The following ZNF469 variants were observed in gnomAD, a reference collection of about 807,000 sequenced individuals.
ZNF469 encodes the protein zinc finger protein 469.
In ZNF469, 1 loss-of-function variant was observed where a neutral mutation model predicts 1.0. The ratio of observed to expected loss-of-function variants is 1.00; its 90% CI spans 0.35 to 4.73. ZNF469 has a LOEUF of 4.73. Among genes scored for constraint, ZNF469 ranks in the 30% most tolerant of loss-of-function variants. ZNF469 has a pLI of 0.16. For missense variants in ZNF469, 6,100 were observed against 5,356.3 expected, an observed-to-expected ratio of 1.14 and a Z score of -4.33; for synonymous variants, 2,703 against 2,363.4, an observed-to-expected ratio of 1.14 and a Z score of -4.17.
chr16:88,439,548 G>C lies in ZNF469; in HGVS notation c.*216G>C. 2 of 607,278 alleles carry C rather than the reference G, an allele frequency of 3.3e-6. No homozygotes were observed. The highest frequency in any genetic ancestry group is 2.8e-5 in the East Asian group (1 of 35,302). The allele number at this position is 607,278 out of a possible 1,614,324, so 37.6% of individuals were successfully genotyped here. ...TGCTGGAAGGCTGGGGGTGAAAGAC[G>C]GGGCCACTGCAGCCCTTTTGAGACC... On this transcript the variant is annotated 3_prime_UTR_variant, in exon 3 of 3. Transcript: ENST00000565624.
rs1904625737 is a variant in ZNF469, at chr16:88,395,283, A to ATGGG, written c.-192+12033_-192+12036dup. ...GATGGATGGATGGATGGATGGATGGATGGGTGGATGGATTGATGGGTTGGG... is the reference window on the plus strand; with the variant it reads ...GATGGATGGATGGATGGATGGATGGATGGGTGGGTGGATGGATTGATGGGTTGGG... On this transcript the variant is annotated intron_variant, in intron 1 of 2. Coordinates refer to ENST00000565624, the MANE Select transcript of ZNF469 (RefSeq NM_001367624.2). Among the ~76,000 whole-genome samples the ATGGG allele has an allele frequency of 6.1e-5, 6 of 97,982 alleles. No homozygotes were observed. The South Asian group carries it at 1.9e-3, about 32-fold the overall frequency. The allele number at this position is 97,982 out of a possible 152,430, so 64.3% of individuals were successfully genotyped here. A position where few individuals can be genotyped will look rare whatever the true frequency, so the allele number is the denominator to read the frequency against.
the ZNF469 span, among the ~76,000 whole-genome samples, chr16:88,265,345 G>C: frequency 1.3e-5 from 2 of 152,174 alleles, no homozygotes; most frequent in African/African-American, 2.4e-5. Flanking sequence ...GGTTCCCCTA[G>C]CACCACTCGC....
At chr16:88,164,324 G>A in the ZNF469 span, among the ~76,000 whole-genome samples, 4 of 151,954 alleles carry the variant, frequency 2.6e-5, no homozygotes, top group African/African-American at 9.7e-5. Context: ...GATGATAGAT[G>A]TACAGATGGA....
the ZNF469 span, among the ~76,000 whole-genome samples, chr16:88,322,879 G>T: frequency 6.6e-6 from 1 of 151,926 alleles, no homozygotes; most frequent in Non-Finnish European, 1.5e-5. Flanking sequence ...CTTTGGGCAG[G>T]CCTGTGACTG....
At chr16:88,100,934 G>A in the ZNF469 span, 1 of 288,398 alleles carries the variant, frequency 3.5e-6, no homozygotes, top group Non-Finnish European at 6.8e-6. Context: ...GCCAGCCAGT[G>A]CGCAGAGACG....
intron 1 of ZNF469, among the ~76,000 whole-genome samples, chr16:88,392,621 G>C (rs1904522963): frequency 6.6e-6 from 1 of 152,180 alleles, no homozygotes; most frequent in Non-Finnish European, 1.5e-5. Flanking sequence ...TTTTTATGTT[G>C]AGCTTTCAGA....
the ZNF469 span, among the ~76,000 whole-genome samples, chr16:88,291,193 G>A: frequency 6.6e-6 from 1 of 152,196 alleles, no homozygotes; most frequent in South Asian, 2.1e-4. Flanking sequence ...CCTGGACCCT[G>A]AGATTTCTCC....
chr16:88,208,817 TC>T, the ZNF469 span, among the ~76,000 whole-genome samples: 1 of 143,630 alleles, frequency 7.0e-6, no homozygotes, highest in Admixed American at 6.9e-5. Flanking sequence ...TCTCTCTCTC[TC>T]TCTCTCTCTC....
the ZNF469 span, among the ~76,000 whole-genome samples, chr16:88,214,268 C>T: frequency 6.6e-6 from 1 of 152,184 alleles, no homozygotes; most frequent in Non-Finnish European, 1.5e-5. Flanking sequence ...CCGGTGATGA[C>T]CCCATCTGCA....
chr16:88,226,695 C>A, the ZNF469 span, among the ~76,000 whole-genome samples: 1 of 151,716 alleles, frequency 6.6e-6, no homozygotes, highest in African/African-American at 2.4e-5. Flanking sequence ...CTCGAATGTC[C>A]CCTGGCAGAC....
chr16:88,240,658 C>T, the ZNF469 span, among the ~76,000 whole-genome samples: 1 of 152,104 alleles, frequency 6.6e-6, no homozygotes, highest in Non-Finnish European at 1.5e-5. Flanking sequence ...TATCTGCCAA[C>T]CCCAGAGCCC....
chr16:88,316,536 A>G, the ZNF469 span, among the ~76,000 whole-genome samples: 1 of 126,728 alleles, frequency 7.9e-6, no homozygotes, highest in East Asian at 2.8e-4. Context: ...CACTGAGTAT[A>G]GGTGCTGTCT....
the ZNF469 span, among the ~76,000 whole-genome samples, chr16:88,186,666 CG>C: frequency 6.6e-6 from 1 of 152,144 alleles, no homozygotes; most frequent in African/African-American, 2.4e-5. Context: ...GAGGATCGTG[CG>C]GCGGTCAAAG....
At chr16:88,266,100 T>C in the ZNF469 span, among the ~76,000 whole-genome samples, 7 of 152,246 alleles carry the variant, frequency 4.6e-5, no homozygotes, top group African/African-American at 1.7e-4. Flanking sequence ...GATGGTGGCC[T>C]GTGCCCTCCG....
chr16:88,429,624 C>T lies in ZNF469; in HGVS notation c.2154C>T (p.Ser718=), dbSNP rs1348048494. The T allele has an allele frequency of 6.5e-7, 1 of 1,545,852 alleles. No homozygotes were observed. The highest frequency in any genetic ancestry group is 8.7e-7 in the Non-Finnish European group (1 of 1,143,966). The change falls in exon 3 of 3, where the codon TCC becomes TCT. Residue 718 remains serine (S), a synonymous_variant. Transcript: ENST00000565624. ...APPPYPTHHF[S]LSSASLDQLD... ...CTCCGTACCCCACACACCACTTCTCCCTCAGCAGCGCCAGCCTGGACCAGC... is the reference window on the plus strand; with the variant it reads ...CTCCGTACCCCACACACCACTTCTCTCTCAGCAGCGCCAGCCTGGACCAGC...
intron 1 of ZNF469, among the ~76,000 whole-genome samples, chr16:88,421,180 G>C (rs1277542310): frequency 6.6e-6 from 1 of 152,156 alleles, no homozygotes; most frequent in Admixed American, 6.5e-5. Flanking sequence ...GAGCCCAGGT[G>C]GGGGCACCCC....
At chr16:88,286,617 C>T in the ZNF469 span, among the ~76,000 whole-genome samples, 47 of 152,268 alleles carry the variant, frequency 3.1e-4, no homozygotes, top group Non-Finnish European at 5.4e-4. Context: ...ATGTGGAGGA[C>T]AGGAACATTC....
the ZNF469 span, among the ~76,000 whole-genome samples, chr16:88,281,716 T>TG: frequency 6.7e-6 from 1 of 148,914 alleles, no homozygotes; most frequent in Non-Finnish European, 1.5e-5. Context: ...TATCAGTGCA[T>TG]GGGTTAGTGC....
At chr16:88,207,584 C>G in the ZNF469 span, among the ~76,000 whole-genome samples, 3 of 150,420 alleles carry the variant, frequency 2.0e-5, no homozygotes, top group Non-Finnish European at 4.4e-5. Context: ...GAGCTTAAAA[C>G]TTATTCTCTC....
Sources: allele counts gnomAD v4.1 joint callset (sites outside exome capture counted in the v4.1 genomes callset), GRCh38; gene constraint gnomAD v4.1.1; transcripts MANE v1.5; gene names NCBI Gene and HGNC (gene_info 2026-07-23, HGNC 2026-07-21).